ASTN2: variants seen among roughly 807,000 people sequenced by gnomAD.
ASTN2 encodes the protein astrotactin-2.
In ASTN2, 54 loss-of-function variants were observed where a neutral mutation model predicts 139.8. The ratio of observed to expected loss-of-function variants is 0.39; its 90% confidence interval spans 0.31 to 0.48. ASTN2 has a LOEUF of 0.48. Ranked by LOEUF, ASTN2 falls within the 20% of genes least tolerant of loss-of-function variation. The pLI, the probability that ASTN2 is intolerant of heterozygous loss-of-function variation, is 0.95. For synonymous variants in ASTN2, 756 were observed against 719.5 expected, an observed-to-expected ratio of 1.05 and a Z score of -0.81; for missense variants, 1,565 against 1,725.1, an observed-to-expected ratio of 0.91 and a Z score of 1.64.
chr9:116,963,981 A>ACTAG (rs1211340938), intron 10 of ASTN2, among the ~76,000 whole-genome samples: 1 of 152,132 alleles, frequency 6.6e-6, no homozygotes, highest in African/African-American at 2.4e-5. Context: ...TGACCCAGAC[A>ACTAG]CTAGCCACAG....
intron 17 of ASTN2, among the ~76,000 whole-genome samples, chr9:116,637,061 T>G (rs1280711108): frequency 6.6e-6 from 1 of 152,186 alleles, no homozygotes. Context: ...CAAACACCAA[T>G]CCTGCCAGCA....
intron 1 of ASTN2, among the ~76,000 whole-genome samples, chr9:117,329,400 C>T (rs1262373821): frequency 1.3e-5 from 2 of 151,780 alleles, no homozygotes; most frequent in Non-Finnish European, 2.9e-5. Context: ...AGTGCTGACA[C>T]AAGAAAGCCT....
At chr9:117,184,270 A>T (rs1831144585) in intron 3 of ASTN2, among the ~76,000 whole-genome samples, 1 of 152,200 alleles carries the variant, frequency 6.6e-6, no homozygotes. Flanking sequence ...TATAGCAAGC[A>T]GACACTGCCA....
At position 116,805,790 on chromosome 9, in the gene ASTN2, A is replaced by G. The variant is rs1331779060; in HGVS notation, c.2238T>C (p.Asp746=). ...CTGAGAGCATTAAGCAGGATTTTCC[A>G]TCAGGAGCCAGTTTGTACTCCTCCA... The part of the protein sequence containing the change: ...GCVEEYKLAP[D]GKSCLMLSDV... The change falls in exon 13 of 23, where the codon GAT becomes GAC. Residue 746 remains aspartate (D), a synonymous_variant. Transcript: ENST00000313400. 2 of 1,613,800 alleles carry G rather than the reference A, an allele frequency of 1.2e-6. No individual in the cohort carries two copies. Among genetic ancestry groups the G allele is most frequent in the Admixed American group, 1.7e-5 (1 of 59,986 alleles).
At chr9:116,661,565 A>G (rs1858561849) in intron 16 of ASTN2, among the ~76,000 whole-genome samples, 2 of 152,196 alleles carry the variant, frequency 1.3e-5, no homozygotes, top group Admixed American at 1.3e-4. Flanking sequence ...AGGAAAAAAC[A>G]GAGATGGAGA....
At chr9:117,346,228 T>A (rs1829214205) in intron 1 of ASTN2, among the ~76,000 whole-genome samples, 1 of 152,056 alleles carries the variant, frequency 6.6e-6, no homozygotes, top group Non-Finnish European at 1.5e-5. Context: ...TTTAAAAGGA[T>A]TTGCATATCT....
intron 20 of ASTN2, among the ~76,000 whole-genome samples, chr9:116,472,684 A>G (rs112330874): frequency 1.6e-4 from 25 of 151,890 alleles, no homozygotes; most frequent in African/African-American, 5.6e-4. Flanking sequence ...CAGGCAGATC[A>G]TTTGAGGTCA....
At chr9:117,097,807 T>C (rs974823252) in intron 4 of ASTN2, among the ~76,000 whole-genome samples, 2 of 152,228 alleles carry the variant, frequency 1.3e-5, no homozygotes, top group African/African-American at 4.8e-5. Context: ...GTATTTGAAA[T>C]GGCATTCAGT....
At chr9:117,303,502 T>G (rs1413366348) in intron 1 of ASTN2, among the ~76,000 whole-genome samples, 1 of 152,094 alleles carries the variant, frequency 6.6e-6, no homozygotes, top group Non-Finnish European at 1.5e-5. Flanking sequence ...ATGCCATCTA[T>G]CCAAACGGCA....
chr9:116,801,544 A>G (rs1291349102), intron 13 of ASTN2, among the ~76,000 whole-genome samples: 1 of 128,124 alleles, frequency 7.8e-6, no homozygotes. Flanking sequence ...ATGTCACTGC[A>G]CTCCACATTC....
intron 2 of ASTN2, among the ~76,000 whole-genome samples, chr9:117,234,418 G>A (rs550962355): frequency 7.6e-4 from 115 of 152,218 alleles, no homozygotes; most frequent in Middle Eastern, 3.4e-3. Flanking sequence ...GTCTCCTACC[G>A]TGCTGAACAG....
chr9:116,572,331 G>A (rs568280942), intron 19 of ASTN2, among the ~76,000 whole-genome samples: 3 of 152,300 alleles, frequency 2.0e-5, no homozygotes, highest in East Asian at 1.9e-4. Flanking sequence ...CCAGTGTTGC[G>A]TGGTGTGGGA....
chr9:116,713,458 A>G (rs1828225773), intron 16 of ASTN2, among the ~76,000 whole-genome samples: 2 of 152,164 alleles, frequency 1.3e-5, no homozygotes, highest in Non-Finnish European at 1.5e-5. Flanking sequence ...ACTCTGACTC[A>G]GAGCCAAGGG....
intron 4 of ASTN2, among the ~76,000 whole-genome samples, chr9:117,129,197 A>G (rs1271511409): frequency 1.3e-5 from 2 of 152,188 alleles, no homozygotes; most frequent in African/African-American, 4.8e-5. Context: ...GGCAAATACC[A>G]CTTCTTTGCA....
intron 11 of ASTN2, among the ~76,000 whole-genome samples, chr9:116,827,311 C>A (rs1289327123): frequency 0.021 from 1,778 of 82,880 alleles, 43 homozygotes; most frequent in African/African-American, 0.084. Context: ...CTCCATCCCC[C>A]CCAAAAAAAA....
At chr9:116,777,967 C>T (rs763232864) in intron 13 of ASTN2, among the ~76,000 whole-genome samples, 9 of 152,134 alleles carry the variant, frequency 5.9e-5, no homozygotes, top group East Asian at 1.9e-4. Context: ...CTCAGCCTCC[C>T]GAGCAGCTGG....
chr9:117,228,610 G>T (rs1335155584), intron 2 of ASTN2, among the ~76,000 whole-genome samples: 3 of 152,104 alleles, frequency 2.0e-5, no homozygotes. Context: ...GGCATGATAG[G>T]AACAGGAATT....
At chr9:117,313,318 T>C (rs1828036151) in intron 1 of ASTN2, among the ~76,000 whole-genome samples, 1 of 152,102 alleles carries the variant, frequency 6.6e-6, no homozygotes, top group African/African-American at 2.4e-5. Context: ...TTTACTAAGC[T>C]CCAGTTCCAA....
chr9:116,426,212 G>A, intron 22 of ASTN2, 124 bp from the exon 23 acceptor site: 1 of 1,253,978 alleles, frequency 8.0e-7, no homozygotes, highest in Non-Finnish European at 1.1e-6. Context: ...ACTCCAGATT[G>A]GAGTGTGGTA....
Sources: gnomAD v4.1 joint callset for allele counts (sites outside exome capture counted in the v4.1 genomes callset) on GRCh38, gnomAD v4.1.1 for gene constraint, MANE v1.5 for transcripts, NCBI Gene and HGNC (gene_info 2026-07-23, HGNC 2026-07-21) for gene names.